GSPT1: variants seen among roughly 807,000 people sequenced by gnomAD.
GSPT1 encodes eukaryotic peptide chain release factor GTP-binding subunit ERF3A.
A neutral mutation model predicts 72.5 loss-of-function variants in GSPT1; 20 were observed. The observed-to-expected ratio is 0.28, with a 90% CI of 0.19 to 0.40. The LOEUF is 0.40. Among genes scored for constraint, GSPT1 ranks in the 10% least tolerant of loss-of-function variants. The probability of loss-of-function intolerance (pLI) is 1.00; values close to 1 mark genes in which losing one functional copy is unlikely to be tolerated. For missense variants in GSPT1, 580 were observed against 811.9 expected (o/e 0.71, Z 3.47); for synonymous variants, 334 against 293.5 (o/e 1.14, Z -1.41).
At chr16:11,901,825 G>A (rs1043167809) in intron 1 of GSPT1, among the ~76,000 whole-genome samples, 6 of 151,798 alleles carry the variant, frequency 4.0e-5, no homozygotes, top group Non-Finnish European at 8.8e-5. Context: ...GCTGGGCATG[G>A]TGGCTCACAT....
chr16:11,880,259 C>T (rs1596457844), intron 11 of GSPT1: 1 of 152,196 alleles, frequency 6.6e-6, no homozygotes, highest in East Asian at 1.9e-4. Context: ...GGGTTGCTTC[C>T]ACCTTCTGGC....
intron 11 of GSPT1, among the ~76,000 whole-genome samples, chr16:11,878,617 T>C (rs1413852806): frequency 6.6e-6 from 1 of 151,736 alleles, no homozygotes; most frequent in African/African-American, 2.4e-5. Context: ...AAAAAAAGTT[T>C]TTAATGTAAA....
At chr16:11,908,860 G>A (rs2054522840) in intron 1 of GSPT1, 2 of 152,058 alleles carry the variant, frequency 1.3e-5, no homozygotes, top group South Asian at 4.1e-4. Flanking sequence ...TGAGGCAGGA[G>A]AATCGCTTGA....
At position 11,915,570 on chromosome 16, in the gene GSPT1, C is replaced by G; in HGVS notation, c.151G>C (p.Ala51Pro). ...TCCCGCTGGGCCTCGGCCGCCGCCGCCAGGGAGCCGCCGCCGCCGCAAGGG... is the reference window on the plus strand; with the variant it reads ...TCCCGCTGGGCCTCGGCCGCCGCCGGCAGGGAGCCGCCGCCGCCGCAAGGG... ...PGPCGGGGSL[A>P]AAAEAQRENL... The change falls in exon 1 of 15, where the codon GCG becomes CCG. Residue 51 changes from alanine (A) to proline (P), a missense_variant. Physicochemically the swap from Ala to Pro is conservative, Grantham distance 27. Around this residue, in one of 6 missense-constraint regions of GSPT1, gnomAD observed 327 missense variants for 298.8 expected, o/e 1.09. Transcript: ENST00000434724. 1 of 1,489,662 alleles carries G rather than the reference C, an allele frequency of 6.7e-7. No homozygotes were observed. The highest frequency in any genetic ancestry group is 8.9e-7 in the Non-Finnish European group (1 of 1,120,212). The allele number at this position is 1,489,662 out of a possible 1,614,324, so 92.3% of individuals were successfully genotyped here. A position where few individuals can be genotyped will look rare whatever the true frequency, so the allele number is the denominator to read the frequency against.
At chr16:11,889,113 C>T (rs12925925) in intron 6 of GSPT1, among the ~76,000 whole-genome samples, 410 of 152,072 alleles carry the variant, frequency 2.7e-3, no homozygotes, top group South Asian at 9.8e-3. Context: ...TTGAGACCAT[C>T]GTAGCTAACA....
At chr16:11,897,928 A>G in intron 2 of GSPT1, 47 bp from the exon 3 acceptor site, 1 of 1,427,136 alleles carries the variant, frequency 7.0e-7, no homozygotes, top group Non-Finnish European at 9.7e-7. Flanking sequence ...AACAGTATCT[A>G]GCTTTACACA....
chr16:11,896,497 TA>T, intron 4 of GSPT1, 60 bp downstream of exon 4: 1 of 899,542 alleles, frequency 1.1e-6, no homozygotes, highest in Non-Finnish European at 1.8e-6. Flanking sequence ...TCCAGGTAGC[TA>T]AAAAGGATGT....
Position 11,915,640 on chromosome 16 carries a change from C to T in GSPT1, c.81G>A (p.Ala27=). 1 of 1,487,168 alleles carries T rather than the reference C, an allele frequency of 6.7e-7. No individual in the cohort carries two copies. 92.1% of individuals were successfully genotyped at this position (1,487,168 alleles called of 1,614,324 possible). The change falls in exon 1 of 15, where the codon GCG becomes GCA. Residue 27 remains alanine, a synonymous_variant. Coordinates refer to ENST00000434724, the MANE Select transcript of GSPT1 (RefSeq NM_002094.4). ...SSSGSSSSDS[A]PDCWDQADME... ...TGTCCGCCTGGTCCCAGCAGTCAGG[C>T]GCCGAGTCGCTGCTGCTGCTGCCGC...
intron 14 of GSPT1, among the ~76,000 whole-genome samples, chr16:11,873,994 A>C (rs2054008623): frequency 6.6e-6 from 1 of 152,246 alleles, no homozygotes. Context: ...ATAACATGTT[A>C]CATGGTTGAA....
At chr16:11,915,111 C>A in intron 1 of GSPT1, 1 of 1,154,778 alleles carries the variant, frequency 8.7e-7, no homozygotes. Flanking sequence ...CAGAGCAGGG[C>A]AGGGGCGCGG....
chr16:11,881,514 C>G (rs1345988293), intron 11 of GSPT1: 2 of 152,066 alleles, frequency 1.3e-5, no homozygotes, highest in Non-Finnish European at 2.9e-5. Context: ...AGTGTATTCA[C>G]CATGTTGTAC....
At position 11,873,029 on chromosome 16, in the gene GSPT1, C is replaced by T; in HGVS notation, c.*90G>A. ...TTGCAAAATATGGGGAGAGGTTTAT[C>T]AATGGGCAGAAAATAAGAGAAGGCG... On this transcript the variant is annotated 3_prime_UTR_variant, in exon 15 of 15. Coordinates refer to ENST00000434724, the MANE Select transcript of GSPT1 (RefSeq NM_002094.4). 1.4e-6 allele frequency: 1 copy of T among 732,254 alleles called. No homozygotes were observed. Among genetic ancestry groups the T allele is most frequent in the Non-Finnish European group, 2.4e-6 (1 of 414,864 alleles). 45.4% of individuals were successfully genotyped at this position (732,254 alleles called of 1,614,324 possible).
intron 10 of GSPT1, among the ~76,000 whole-genome samples, chr16:11,883,333 G>A (rs1352995124): frequency 6.6e-6 from 1 of 151,912 alleles, no homozygotes; most frequent in Non-Finnish European, 1.5e-5. Context: ...AATGGCACAA[G>A]CTGGATGTGG....
chr16:11,916,535 G>A (rs2054639608), upstream of GSPT1, among the ~76,000 whole-genome samples: 1 of 152,158 alleles, frequency 6.6e-6, no homozygotes. Flanking sequence ...CTCACCCCCA[G>A]CCAGATTTTG....
At position 11,883,485 on chromosome 16, in the gene GSPT1, G is replaced by A. The variant is rs539293728; in HGVS notation, c.1348-390C>T. Reference sequence around the variant, plus strand: ...AAAAAAAAAAAAAATTGCCAGGCACGGTGGAATGCCTGTAATCCCAGCTAC... The same window carrying A: ...AAAAAAAAAAAAAATTGCCAGGCACAGTGGAATGCCTGTAATCCCAGCTAC... On this transcript the variant is annotated intron_variant, in intron 10 of 14. Transcript: ENST00000434724. Among the ~76,000 whole-genome samples, 17 of 64,852 alleles carry A rather than the reference G, an allele frequency of 2.6e-4. No individual in the cohort carries two copies. The East Asian group carries it at 7.5e-3, about 28-fold the overall frequency. 42.5% of individuals were successfully genotyped at this position (64,852 alleles called of 152,430 possible).
intron 14 of GSPT1, among the ~76,000 whole-genome samples, chr16:11,874,763 C>T (rs924542929): frequency 1.3e-5 from 2 of 152,076 alleles, no homozygotes; most frequent in Admixed American, 1.3e-4. Context: ...GTTCCTGACA[C>T]TTTGTAGATA....
Position 11,870,459 on chromosome 16 carries a change from A to C in GSPT1, c.*2660T>G, listed in dbSNP as rs141918787. 2.6e-4 allele frequency: 40 copies of C among 152,384 alleles called. No homozygotes were observed. The highest frequency in any genetic ancestry group is 9.6e-4 in the African/African-American group (40 of 41,598). The allele number at this position is 152,384 out of a possible 1,614,324, so 9.4% of individuals were successfully genotyped here. A position where few individuals can be genotyped will look rare whatever the true frequency, so the allele number is the denominator to read the frequency against. Reference sequence around the variant, plus strand: ...CATTCTAGTAGAGCAACGTTAGAGAACAAATGCTTAGGTAATACCCTAAAT... The same window carrying C: ...CATTCTAGTAGAGCAACGTTAGAGACCAAATGCTTAGGTAATACCCTAAAT... On this transcript the variant is annotated 3_prime_UTR_variant, in exon 15 of 15. Transcript: ENST00000434724.
At chr16:11,908,811 A>G (rs1169099846) in intron 1 of GSPT1, 5 of 146,920 alleles carry the variant, frequency 3.4e-5, no homozygotes, top group Admixed American at 6.8e-5. Flanking sequence ...TTAGCCAGGC[A>G]TGGCGGTGCG....
upstream of GSPT1, chr16:11,916,079 T>G: frequency 1.9e-6 from 1 of 518,402 alleles, no homozygotes. Context: ...CCGCCCCCGT[T>G]TCCGGCTATT....
Sources: gnomAD v4.1 joint callset for allele counts (sites outside exome capture counted in the v4.1 genomes callset) on GRCh38, gnomAD v4.1.1 for gene constraint, gnomAD v4.1.1 regional missense constraint, MANE v1.5 for transcripts, NCBI Gene and HGNC (gene_info 2026-07-23, HGNC 2026-07-21) for gene names.